FLVCR1: variants seen among roughly 807,000 people sequenced by gnomAD.
FLVCR1 encodes the protein choline/ethanolamine transporter FLVCR1.
FLVCR1 carries 34 observed loss-of-function variants against 53.6 expected under a neutral mutation model. That is an observed-to-expected ratio of 0.63 (90% CI 0.48 to 0.84). The LOEUF (loss-of-function observed/expected upper bound fraction) is 0.84. Among genes scored for constraint, FLVCR1 ranks in the 40% least tolerant of loss-of-function variants. The pLI, the probability that FLVCR1 is intolerant of heterozygous loss-of-function variation, is 0.00. For missense variants in FLVCR1, 677 were observed against 696.7 expected (o/e 0.97, Z 0.32); for synonymous variants, 300 against 286.3 (o/e 1.05, Z -0.48).
chr1:212,893,721 A>G (rs1440312853), intron 8 of FLVCR1, among the ~76,000 whole-genome samples: 1 of 152,216 alleles, frequency 6.6e-6, no homozygotes, highest in Non-Finnish European at 1.5e-5. Flanking sequence ...CAAAAAGATA[A>G]CTTGCAGAAG....
chr1:212,862,306 C>T (rs1312331916), intron 1 of FLVCR1, among the ~76,000 whole-genome samples: 1 of 152,160 alleles, frequency 6.6e-6, no homozygotes, highest in Non-Finnish European at 1.5e-5. Context: ...AGGCCCAATA[C>T]CTACTAAACA....
intron 2 of FLVCR1, among the ~76,000 whole-genome samples, chr1:212,871,833 A>G (rs182188999): frequency 2.6e-5 from 4 of 152,288 alleles, no homozygotes; most frequent in African/African-American, 9.6e-5. Context: ...TTCTAACTAG[A>G]AATGGATAGC....
chr1:212,894,913 A>G, intron 8 of FLVCR1, 73 bp from the exon 9 acceptor site: 1 of 980,672 alleles, frequency 1.0e-6, no homozygotes. Flanking sequence ...CAATACCAAG[A>G]AAGACTTTGA....
rs998613038 is a variant in FLVCR1 at position 212,861,903 on chromosome 1, C to T, written c.739-1822C>T. Among the ~76,000 whole-genome samples, 10 of 152,094 alleles carry T rather than the reference C, an allele frequency of 6.6e-5. No individual in the cohort carries two copies. The East Asian group carries it at 9.6e-4, about 15-fold the overall frequency. ...GCCAGGATGGTCTCGATCTCCTGACCTCGTGATCCCCCCACCTCGGCCTCC... is the reference window on the plus strand; with the variant it reads ...GCCAGGATGGTCTCGATCTCCTGACTTCGTGATCCCCCCACCTCGGCCTCC... On this transcript the variant is annotated intron_variant, in intron 1 of 9. Coordinates refer to ENST00000366971, the MANE Select transcript of FLVCR1 (RefSeq NM_014053.4).
At chr1:212,892,241 A>T (rs1665212645) in intron 8 of FLVCR1, among the ~76,000 whole-genome samples, 1 of 152,262 alleles carries the variant, frequency 6.6e-6, no homozygotes, top group African/African-American at 2.4e-5. Context: ...TAGATGAAAC[A>T]GGCTTATACT....
In FLVCR1 at chr1:212,858,381, C is replaced by CGGGCTGTG; in HGVS notation, c.-69_-62dup. On this transcript the variant is annotated 5_prime_UTR_variant, in exon 1 of 10. Transcript: ENST00000366971. ...TGGAGGTGGGGCCCCAGGAGGACCT[C>CGGGCTGTG]GGGCTGTGGGCCGGGAGAGCGGAGT... The CGGGCTGTG allele has an allele frequency of 7.3e-7, 1 of 1,361,456 alleles. No individual in the cohort carries two copies. The highest frequency in any genetic ancestry group is 1.5e-5 in the South Asian group (1 of 65,028). 84.3% of individuals were successfully genotyped at this position (1,361,456 alleles called of 1,614,324 possible). A position where few individuals can be genotyped will look rare whatever the true frequency, so the allele number is the denominator to read the frequency against.
chr1:212,883,498 A>C (rs1664975694), intron 4 of FLVCR1, 60 bp downstream of exon 4: 1 of 900,590 alleles, frequency 1.1e-6, no homozygotes, highest in Admixed American at 1.8e-5. Flanking sequence ...TAGCAATATA[A>C]TTGTCGTTAG....
At chr1:212,880,515 T>G (rs527634973) in intron 3 of FLVCR1, among the ~76,000 whole-genome samples, 1 of 152,332 alleles carries the variant, frequency 6.6e-6, no homozygotes, top group Admixed American at 6.5e-5. Context: ...TTAATCCTGC[T>G]GGCCAGGTGC....
intron 3 of FLVCR1, among the ~76,000 whole-genome samples, chr1:212,878,173 T>C (rs189831395): frequency 6.6e-4 from 100 of 152,180 alleles, no homozygotes; most frequent in Admixed American, 1.8e-3. Flanking sequence ...CCTGGTCCTT[T>C]ACAGAAAATG....
intron 2 of FLVCR1, among the ~76,000 whole-genome samples, chr1:212,864,994 G>C (rs10779588): frequency 0.44 from 66,633 of 151,790 alleles, 15,667 homozygotes; most frequent in East Asian, 0.53. Context: ...TCCACTTGTT[G>C]GTTTTGGTTT....
rs933974909 is a variant in FLVCR1, at chr1:212,895,614, A to T, written c.*324A>T. ...GTCGATGTTTTTCTTTTTTGTAGAA[A>T]ATGGAAGCTTAGAATACTTTTTAAA... On this transcript the variant is annotated 3_prime_UTR_variant, in exon 10 of 10. Transcript: ENST00000366971. The T allele has an allele frequency of 8.6e-5, 31 of 360,194 alleles. No homozygotes were observed. The highest frequency in any genetic ancestry group is 6.3e-4 in the African/African-American group (30 of 47,716). 22.3% of individuals were successfully genotyped at this position (360,194 alleles called of 1,614,324 possible). A position where few individuals can be genotyped will look rare whatever the true frequency, so the allele number is the denominator to read the frequency against.
chr1:212,889,583 A>G (rs1665138299), intron 8 of FLVCR1, among the ~76,000 whole-genome samples: 4 of 152,066 alleles, frequency 2.6e-5, no homozygotes, highest in African/African-American at 9.7e-5. Context: ...CCTAGCCAAC[A>G]TGGCGAAACC....
intron 4 of FLVCR1, 79 bp downstream of exon 4, chr1:212,883,517 T>G: frequency 1.3e-6 from 1 of 758,686 alleles, no homozygotes; most frequent in Non-Finnish European, 2.4e-6. Context: ...AGCAGGGTCA[T>G]GAGATTAAGG....
intron 2 of FLVCR1, chr1:212,864,250 G>T: frequency 7.0e-6 from 2 of 286,088 alleles, no homozygotes; most frequent in Non-Finnish European, 1.4e-5. Context: ...CGTAGGCTAT[G>T]GTCTTTCTGG....
intron 3 of FLVCR1, among the ~76,000 whole-genome samples, chr1:212,882,803 G>A (rs985057751): frequency 6.6e-6 from 1 of 152,048 alleles, no homozygotes; most frequent in Non-Finnish European, 1.5e-5. Flanking sequence ...GGGAGGCGAG[G>A]CAGTAGAATT....
At chr1:212,872,151 G>A (rs1179568679) in intron 2 of FLVCR1, among the ~76,000 whole-genome samples, 54 of 151,436 alleles carry the variant, frequency 3.6e-4, no homozygotes, top group Admixed American at 3.6e-3. Context: ...GTCCTGCTCT[G>A]TTGCCCAGGC....
At chr1:212,892,492 T>C (rs1665217908) in intron 8 of FLVCR1, among the ~76,000 whole-genome samples, 1 of 152,230 alleles carries the variant, frequency 6.6e-6, no homozygotes, top group Non-Finnish European at 1.5e-5. Context: ...CATCTGTTAG[T>C]AGCATGGTTT....
At position 212,888,498 on chromosome 1, in the gene FLVCR1, G is replaced by A. The variant is rs1665113651; in HGVS notation, c.1317G>A (p.Met439Ile). The A allele has an allele frequency of 6.2e-7, 1 of 1,611,916 alleles. No individual in the cohort carries two copies. The highest frequency in any genetic ancestry group is 8.5e-7 in the Non-Finnish European group (1 of 1,178,242). ...FVTGGVLGFF[M>I]TGYLPLGFEF... ...GGATTTATTTTCCTAGCTTCTTCATGACTGGTTACCTCCCTTTGGGTTTTG... is the reference window on the plus strand; with the variant it reads ...GGATTTATTTTCCTAGCTTCTTCATAACTGGTTACCTCCCTTTGGGTTTTG... The change falls in exon 7 of 10, where the codon ATG (methionine) becomes ATA (isoleucine). Residue 439 changes from methionine to isoleucine, a missense_variant. By Grantham distance (10) the Met-to-Ile change is conservative (BLOSUM62 1). Transcript: ENST00000366971.
intron 3 of FLVCR1, among the ~76,000 whole-genome samples, chr1:212,875,854 C>A (rs1360064300): frequency 3.5e-5 from 5 of 144,266 alleles, no homozygotes; most frequent in African/African-American, 7.6e-5. Flanking sequence ...AAAAAAAAAA[C>A]AAAAAACTTG....
Sources: allele counts gnomAD v4.1 joint callset (sites outside exome capture counted in the v4.1 genomes callset), GRCh38; gene constraint gnomAD v4.1.1; transcripts MANE v1.5; gene names NCBI Gene and HGNC (gene_info 2026-07-23, HGNC 2026-07-21).